Variants in THADA observed in about 807,000 individuals in gnomAD.
The protein encoded by THADA is tRNA (32-2'-O)-methyltransferase regulator THADA.
In THADA, 213 loss-of-function variants were observed where a neutral mutation model predicts 219.8. That is an observed-to-expected ratio of 0.97 (90% CI 0.87 to 1.09). The LOEUF is 1.09. THADA is among the 50% of genes least tolerant of loss of function. The pLI is 0.00. For synonymous variants in THADA, 1,018 were observed against 828.9 expected (o/e 1.23, Z -3.92); for missense variants, 2,956 against 2,311.3 (o/e 1.28, Z -5.72).
chr2:43,551,225 T>C (rs1696704388), intron 19 of THADA, among the ~76,000 whole-genome samples: 1 of 152,238 alleles, frequency 6.6e-6, no homozygotes, highest in Non-Finnish European at 1.5e-5. Flanking sequence ...CAAACTTTAT[T>C]TCAACACCAA....
At chr2:43,285,739 C>T (rs974620157) in intron 35 of THADA, among the ~76,000 whole-genome samples, 4 of 152,010 alleles carry the variant, frequency 2.6e-5, no homozygotes, top group Non-Finnish European at 2.9e-5. Flanking sequence ...TTAGTAGAGA[C>T]AGGGTTTCTC....
intron 27 of THADA, among the ~76,000 whole-genome samples, chr2:43,428,562 G>A (rs1364712383): frequency 1.3e-5 from 2 of 152,106 alleles, no homozygotes; most frequent in Non-Finnish European, 1.5e-5. Flanking sequence ...CCAAGATCAC[G>A]CCACTGCACT....
chr2:43,427,598 AATATATATAATAGTT>A lies in THADA; in HGVS notation c.4058+487_4058+501del, dbSNP rs541102157. Among the ~76,000 whole-genome samples the A allele has an allele frequency of 5.5e-4, 82 of 148,924 alleles. 1 individual carries two copies. The South Asian group carries it at 0.017, about 30-fold the overall frequency. Reference sequence around the variant, plus strand: ...AGTTATATACAAAAGTTTTACATATAATATATATAATAGTTATATATATAATAGTTTTTAATATAT... The same window carrying A: ...AGTTATATACAAAAGTTTTACATATAATATATATAATAGTTTTTAATATAT... On this transcript the variant is annotated intron_variant, in intron 28 of 37. Coordinates refer to ENST00000405975, the MANE Select transcript of THADA (RefSeq NM_022065.5).
chr2:43,490,616 A>G (rs761425099), intron 25 of THADA, among the ~76,000 whole-genome samples: 2 of 152,178 alleles, frequency 1.3e-5, no homozygotes, highest in Non-Finnish European at 2.9e-5. Flanking sequence ...TTACATTACA[A>G]TGGTCCTCCC....
chr2:43,574,283 A>T, intron 11 of THADA, 53 bp downstream of exon 11: 2 of 1,231,490 alleles, frequency 1.6e-6, no homozygotes, highest in South Asian at 1.6e-5. Context: ...ATAGCTACCT[A>T]CATTTAAGCA....
intron 30 of THADA, 119 bp downstream of exon 30, chr2:43,344,003 C>T: frequency 1.5e-6 from 1 of 681,162 alleles, no homozygotes. Flanking sequence ...ATAAATACTC[C>T]AATAAGTTTA....
intron 36 of THADA, among the ~76,000 whole-genome samples, chr2:43,243,197 C>T (rs1668792123): frequency 6.6e-6 from 1 of 152,144 alleles, no homozygotes; most frequent in Non-Finnish European, 1.5e-5. Flanking sequence ...GGGCTTCCTA[C>T]TGTTCTTGTC....
intron 20 of THADA, among the ~76,000 whole-genome samples, chr2:43,544,092 C>T (rs1054747905): frequency 3.9e-5 from 6 of 152,154 alleles, no homozygotes; most frequent in Admixed American, 2.0e-4. Flanking sequence ...CTACATATGG[C>T]TAGCCTGTTT....
intron 29 of THADA, among the ~76,000 whole-genome samples, chr2:43,352,948 T>A (rs1226207913): frequency 6.6e-6 from 1 of 152,178 alleles, no homozygotes; most frequent in African/African-American, 2.4e-5. Context: ...GTTCTATATA[T>A]TTGACTTTTA....
intron 29 of THADA, among the ~76,000 whole-genome samples, chr2:43,364,569 T>C (rs1188530936): frequency 6.6e-6 from 1 of 152,240 alleles, no homozygotes; most frequent in Non-Finnish European, 1.5e-5. Flanking sequence ...CAATGGAGAA[T>C]CACTGCACTA....
chr2:43,304,778 T>G (rs1315879234), intron 31 of THADA, among the ~76,000 whole-genome samples: 1 of 152,084 alleles, frequency 6.6e-6, no homozygotes, highest in East Asian at 1.9e-4. Flanking sequence ...TTCAAGTGGT[T>G]CTGCTGCCTC....
intron 28 of THADA, among the ~76,000 whole-genome samples, chr2:43,421,103 G>T (rs1677663546): frequency 6.6e-6 from 1 of 152,162 alleles, no homozygotes; most frequent in Non-Finnish European, 1.5e-5. Flanking sequence ...ATACCCCATG[G>T]AAGATAACAC....
intron 29 of THADA, among the ~76,000 whole-genome samples, chr2:43,361,274 A>T (rs1177013374): frequency 6.6e-6 from 1 of 152,222 alleles, no homozygotes; most frequent in East Asian, 1.9e-4. Flanking sequence ...TAAGTTCCTC[A>T]TCTATAAAAT....
intron 29 of THADA, among the ~76,000 whole-genome samples, chr2:43,364,177 T>C (rs1243541294): frequency 6.6e-6 from 1 of 152,066 alleles, no homozygotes; most frequent in Non-Finnish European, 1.5e-5. Context: ...TGAGCCGAGA[T>C]CTGCTGCTGC....
intron 36 of THADA, among the ~76,000 whole-genome samples, chr2:43,278,629 C>T (rs757761676): frequency 1.1e-4 from 16 of 152,274 alleles, no homozygotes; most frequent in Non-Finnish European, 1.9e-4. Flanking sequence ...CTGATCTAGG[C>T]GAAACCTGCC....
At chr2:43,382,959 A>G (rs1171997968) in intron 29 of THADA, among the ~76,000 whole-genome samples, 1 of 152,202 alleles carries the variant, frequency 6.6e-6, no homozygotes, top group Non-Finnish European at 1.5e-5. Context: ...CCACAAAATA[A>G]CATTTTAAGA....
intron 10 of THADA, among the ~76,000 whole-genome samples, chr2:43,575,233 C>A (rs996518294): frequency 2.0e-5 from 3 of 152,092 alleles, no homozygotes; most frequent in Non-Finnish European, 4.4e-5. Context: ...AAAAAATAAT[C>A]CAGAAAGCAG....
chr2:43,505,655 C>G lies in THADA; in HGVS notation c.3588G>C (p.Gly1196=). ...ITMKELISLA[G]PTDDIQSTVP... is the part of the protein sequence containing the mutation. ...CTGTACTCTGTATGTCATCTGTAGG[C>G]CCAGCCAAAGAGATTAACTCTTTCA... Residue 1196 remains glycine, a synonymous_variant, in exon 24 of 38, where the codon GGG becomes GGC. Transcript: ENST00000405975. 1 of 1,596,552 alleles carries G rather than the reference C, an allele frequency of 6.3e-7. No individual in the cohort carries two copies. Among genetic ancestry groups the G allele is most frequent in the Non-Finnish European group, 8.5e-7 (1 of 1,170,378 alleles).
At chr2:43,470,692 A>T (rs548754990) in intron 26 of THADA, among the ~76,000 whole-genome samples, 27 of 152,356 alleles carry the variant, frequency 1.8e-4, no homozygotes, top group Admixed American at 1.2e-3. Flanking sequence ...ACTTTTTCAT[A>T]TTCTCCATTA....
Sources: gnomAD v4.1 joint callset for allele counts (sites outside exome capture counted in the v4.1 genomes callset) on GRCh38, gnomAD v4.1.1 for gene constraint, MANE v1.5 for transcripts, NCBI Gene and HGNC (gene_info 2026-07-23, HGNC 2026-07-21) for gene names.